The following GLYATL2 variants were observed in gnomAD, a reference collection of about 807,000 sequenced individuals.
GLYATL2 encodes the protein glycine-N-acyltransferase like 2.
A neutral mutation model predicts 21.4 loss-of-function variants in GLYATL2; 25 were observed. The ratio of observed to expected loss-of-function variants is 1.17; its 90% CI spans 0.85 to 1.63. The LOEUF (loss-of-function observed/expected upper bound fraction) is 1.63, where lower values mean the gene tolerates loss of function less well. Ranked by LOEUF, GLYATL2 falls within the 40% of genes most tolerant of loss-of-function variation. GLYATL2 has a pLI of 0.00. For synonymous variants in GLYATL2, 114 were observed against 118.2 expected (o/e 0.96, Z 0.23); for missense variants, 361 against 343.3 (o/e 1.05, Z -0.41).
intron 1 of GLYATL2, among the ~76,000 whole-genome samples, chr11:58,851,077 G>A (rs1256239574): frequency 2.0e-5 from 3 of 152,168 alleles, no homozygotes; most frequent in Admixed American, 6.5e-5. Context: ...CGTGACTCAC[G>A]TGACCTTATC....
intron 1 of GLYATL2, among the ~76,000 whole-genome samples, chr11:58,872,724 C>G (rs1199836008): frequency 6.6e-6 from 1 of 152,192 alleles, no homozygotes; most frequent in Admixed American, 6.5e-5. Context: ...AGCATGATGC[C>G]TCCAGCTTTG....
At chr11:58,870,062 C>A (rs1336016172) in intron 1 of GLYATL2, among the ~76,000 whole-genome samples, 1 of 152,008 alleles carries the variant, frequency 6.6e-6, no homozygotes, top group African/African-American at 2.4e-5. Context: ...GAGTTATGAT[C>A]CAGCCACTGC....
upstream of GLYATL2, among the ~76,000 whole-genome samples, chr11:58,848,645 T>C (rs1307064777): frequency 2.6e-5 from 4 of 151,966 alleles, no homozygotes; most frequent in Non-Finnish European, 4.4e-5. Context: ...TATTTAAAAA[T>C]GCGCTTTCAA....
upstream of GLYATL2, chr11:58,905,376 T>C (rs1854838563): frequency 4.6e-6 from 2 of 436,476 alleles, no homozygotes; most frequent in Non-Finnish European, 9.3e-6. Flanking sequence ...TCTCTGCTGC[T>C]GCCGCTGGAT....
chr11:58,875,336 C>G (rs190267421), intron 1 of GLYATL2, among the ~76,000 whole-genome samples: 1 of 152,052 alleles, frequency 6.6e-6, no homozygotes. Context: ...GTCATTATGA[C>G]GTTAGCTGGT....
chr11:58,889,382 T>C (rs1854501250), intron 1 of GLYATL2, among the ~76,000 whole-genome samples: 1 of 152,002 alleles, frequency 6.6e-6, no homozygotes, highest in Non-Finnish European at 1.5e-5. Context: ...ATATGGGTTT[T>C]TAGTTTCTTG....
chr11:58,900,048 G>C (rs909143799), intron 1 of GLYATL2, among the ~76,000 whole-genome samples: 1 of 152,052 alleles, frequency 6.6e-6, no homozygotes, highest in African/African-American at 2.4e-5. Context: ...GCGGAGCACC[G>C]GAATTCTGTG....
rs186072229 is a variant in GLYATL2, at chr11:58,866,230, G to T, written n.61-27862C>A. Among the ~76,000 whole-genome samples the T allele has an allele frequency of 2.7e-5, 4 of 148,508 alleles. 1 individual carries two copies. The Admixed American group carries it at 2.8e-4, about 10-fold the overall frequency. ...TCAAGTTTTTCAACAGAGTCAGATT[G>T]TTATTTATCTCAAACTCCAGAAACT... On this transcript the variant is annotated intron_variant and non_coding_transcript_variant, in intron 1 of 4. Transcript: ENST00000533636.
At chr11:58,857,857 T>G (rs1246936563) in intron 1 of GLYATL2, among the ~76,000 whole-genome samples, 1 of 139,728 alleles carries the variant, frequency 7.2e-6, no homozygotes, top group Non-Finnish European at 1.5e-5. Flanking sequence ...CTGACTTACC[T>G]GCTACCCTCA....
At chr11:58,869,190 G>C (rs910496673) in intron 1 of GLYATL2, among the ~76,000 whole-genome samples, 2 of 152,212 alleles carry the variant, frequency 1.3e-5, no homozygotes, top group African/African-American at 4.8e-5. Context: ...TCTAGTGACT[G>C]TTCGCATGTG....
intron 1 of GLYATL2, among the ~76,000 whole-genome samples, chr11:58,864,912 T>C (rs1853997675): frequency 6.7e-6 from 1 of 148,714 alleles, no homozygotes; most frequent in African/African-American, 2.4e-5. Flanking sequence ...TCCTGCTAAT[T>C]TGGAAAGAAC....
At chr11:58,848,667 T>G (rs1239548342), upstream of GLYATL2, among the ~76,000 whole-genome samples, 1 of 151,628 alleles carries the variant, frequency 6.6e-6, no homozygotes, top group African/African-American at 2.4e-5. Flanking sequence ...AGATACAAAA[T>G]AAAAAAATTA....
At chr11:58,842,629 G>A (rs1590716710) in intron 1 of GLYATL2, among the ~76,000 whole-genome samples, 1 of 151,710 alleles carries the variant, frequency 6.6e-6, no homozygotes, top group East Asian at 1.9e-4. Context: ...AAAGCCAGTT[G>A]AAAAATGAAT....
chr11:58,880,864 C>T (rs74863907), intron 1 of GLYATL2, among the ~76,000 whole-genome samples: 2,827 of 152,254 alleles, frequency 0.019, 56 homozygotes, highest in Non-Finnish European at 0.023. Flanking sequence ...GGACTTTGAC[C>T]TCAGACAAGA....
At chr11:58,846,639 A>T (rs1323215499), upstream of GLYATL2, among the ~76,000 whole-genome samples, 1 of 152,180 alleles carries the variant, frequency 6.6e-6, no homozygotes, top group Non-Finnish European at 1.5e-5. Flanking sequence ...GGAGCATTTA[A>T]ACCAGTCCTA....
chr11:58,894,889 T>TA (rs1854608668), intron 1 of GLYATL2, among the ~76,000 whole-genome samples: 1 of 152,206 alleles, frequency 6.6e-6, no homozygotes, highest in Admixed American at 6.5e-5. Context: ...AATTCTTACG[T>TA]AAAAAATAAA....
intron 1 of GLYATL2, among the ~76,000 whole-genome samples, chr11:58,861,454 T>C (rs1853929905): frequency 6.6e-6 from 1 of 151,924 alleles, no homozygotes; most frequent in Non-Finnish European, 1.5e-5. Context: ...ATTTTTATCT[T>C]TTTTTCTTTT....
intron 1 of GLYATL2, among the ~76,000 whole-genome samples, chr11:58,874,874 A>T (rs1200080777): frequency 2.6e-5 from 4 of 152,128 alleles, no homozygotes; most frequent in Admixed American, 6.5e-5. Context: ...GATCTGTCTA[A>T]TGTTGACAGT....
intron 1 of GLYATL2, among the ~76,000 whole-genome samples, chr11:58,898,482 C>CTT (rs138211723): frequency 2.0e-5 from 3 of 146,762 alleles, no homozygotes; most frequent in African/African-American, 5.0e-5. Flanking sequence ...ATTGTTTCCT[C>CTT]TTTTTTTTTT....
Sources: allele counts gnomAD v4.1 joint callset (sites outside exome capture counted in the v4.1 genomes callset), GRCh38; gene constraint gnomAD v4.1.1; transcripts MANE v1.5; gene names NCBI Gene and HGNC (gene_info 2026-07-23, HGNC 2026-07-21).